Variants in OSMR observed in about 807,000 individuals in gnomAD.
OSMR encodes the protein oncostatin M receptor, also known as oncostatin-M-specific receptor subunit beta.
Under a neutral mutation model 99.9 loss-of-function variants are expected in OSMR, and 81 were observed. That is an observed-to-expected ratio of 0.81 (90% CI 0.68 to 0.97). The LOEUF is 0.97. OSMR is among the 50% of genes least tolerant of loss of function. The pLI is 0.00. For synonymous variants in OSMR, 406 were observed against 410.4 expected (o/e 0.99, Z 0.13); for missense variants, 1,099 against 1,153.4 (o/e 0.95, Z 0.68).
chr5:38,885,916 A>G, intron 6 of OSMR, 123 bp from the exon 7 acceptor site: 1 of 1,486,250 alleles, frequency 6.7e-7, no homozygotes, highest in Non-Finnish European at 8.9e-7. Flanking sequence ...TGGATGGATC[A>G]ATGCCATTAT....
At position 38,932,549 on chromosome 5, in the gene OSMR, A is replaced by T. The variant is rs1273762857; in HGVS notation, c.2367+14A>T. ...ATAAAATTCAAGGTAAATGTTGGCAAATTGTATGTATACCATATACCTATT... is the reference window on the plus strand; with the variant it reads ...ATAAAATTCAAGGTAAATGTTGGCATATTGTATGTATACCATATACCTATT... On this transcript the variant is annotated intron_variant, in intron 17 of 17. Coordinates refer to ENST00000274276, the MANE Select transcript of OSMR (RefSeq NM_003999.3). 6.2e-7 allele frequency: 1 copy of T among 1,606,746 alleles called. No individual in the cohort carries two copies.
chr5:38,904,211 T>C (rs948577217), intron 8 of OSMR, 142 bp from the exon 9 acceptor site: 6 of 1,526,726 alleles, frequency 3.9e-6, no homozygotes, highest in Admixed American at 2.1e-5. Context: ...TTGAAGATTT[T>C]TTTCCCCCCA....
chr5:38,940,345 G>C (rs1747424963), downstream of OSMR: 1 of 230,668 alleles, frequency 4.3e-6, no homozygotes, highest in South Asian at 1.8e-4. Context: ...TGTTTAAAAT[G>C]AATGTCTAAA....
Position 38,919,039 on chromosome 5 carries a change from T to C in OSMR, c.1562T>C (p.Val521Ala), listed in dbSNP as rs1486705434. 1 of 1,613,938 alleles carries C rather than the reference T, an allele frequency of 6.2e-7. No homozygotes were observed. Among genetic ancestry groups the C allele is most frequent in the Non-Finnish European group, 8.5e-7 (1 of 1,179,902 alleles). Residue 521 changes from valine to alanine, a missense_variant, in exon 11 of 18, where the codon GTC (valine) becomes GCC (alanine). Physicochemically the swap from Val to Ala is moderately conservative, Grantham distance 64. Transcript: ENST00000274276. Reference protein sequence around the residue: ...SVGASPASVIVISADPENKEV... With the variant: ...SVGASPASVIAISADPENKEV... ...GGTGCTTCTCCTGCTTCTGTAATAGTCATCTCTGCAGACCCCGAAAACAGT... is the reference window on the plus strand; with the variant it reads ...GGTGCTTCTCCTGCTTCTGTAATAGCCATCTCTGCAGACCCCGAAAACAGT...
chr5:38,920,324 G>C (rs1244581270), intron 11 of OSMR, among the ~76,000 whole-genome samples: 1 of 152,188 alleles, frequency 6.6e-6, no homozygotes, highest in Non-Finnish European at 1.5e-5. Context: ...GTTCACACTA[G>C]GGTGTAAATG....
chr5:38,910,146 T>C (rs1182462616), intron 9 of OSMR, among the ~76,000 whole-genome samples: 4 of 152,174 alleles, frequency 2.6e-5, no homozygotes, highest in African/African-American at 9.7e-5. Flanking sequence ...TACATAATGG[T>C]AAAGAGTTCA....
chr5:38,926,362 T>C (rs1232055318), intron 15 of OSMR, among the ~76,000 whole-genome samples: 11 of 152,198 alleles, frequency 7.2e-5, no homozygotes, highest in Admixed American at 5.9e-4. Flanking sequence ...CTCACACTAC[T>C]ATAAAGAACT....
At position 38,846,373 on chromosome 5, in the gene OSMR, C is replaced by T. The variant is rs192375340; in HGVS notation, c.-28C>T. On this transcript the variant is annotated 5_prime_UTR_variant, in exon 1 of 18. Transcript: ENST00000274276. ...ACGGCGCTCGGAGGGTCCTCGCCCC[C>T]GGCCTGCCTACCTGGTGGGTGAAAA... The T allele has an allele frequency of 2.6e-3, 401 of 152,446 alleles. 3 individuals carry two copies. The South Asian group carries it at 0.03, about 11-fold the overall frequency. The allele number at this position is 152,446 out of a possible 1,614,324, so 9.4% of individuals were successfully genotyped here.
Position 38,869,763 on chromosome 5 carries a change from A to G in OSMR, c.73+646A>G, listed in dbSNP as rs957925705. The stretch of plus-strand genomic sequence containing the variant: ...CCTCTAAAATATTTATTGATACTAT[A>G]TTACTTTGAACTTGTTTAGAAGTAG... On this transcript the variant is annotated intron_variant, in intron 2 of 17. Transcript: ENST00000274276. Among the ~76,000 whole-genome samples, 3 of 152,330 alleles carry G rather than the reference A, an allele frequency of 2.0e-5. No individual in the cohort carries two copies. The South Asian group carries it at 6.2e-4, about 32-fold the overall frequency.
chr5:38,863,171 AC>A (rs1741628360), intron 1 of OSMR, among the ~76,000 whole-genome samples: 1 of 76,528 alleles, frequency 1.3e-5, no homozygotes, highest in Non-Finnish European at 2.5e-5. Context: ...GGAGAGGGAG[AC>A]CGTGGGGAGA....
chr5:38,872,028 G>C (rs944802622), intron 2 of OSMR, among the ~76,000 whole-genome samples: 17 of 152,168 alleles, frequency 1.1e-4, no homozygotes, highest in African/African-American at 3.9e-4. Context: ...AAGAGAGCTG[G>C]ACAGAGACCC....
At chr5:38,857,762 G>C (rs923972707) in intron 1 of OSMR, among the ~76,000 whole-genome samples, 1 of 152,010 alleles carries the variant, frequency 6.6e-6, no homozygotes, top group Non-Finnish European at 1.5e-5. Flanking sequence ...CCGCCTCCTA[G>C]GTTCAAGCAA....
intron 5 of OSMR, among the ~76,000 whole-genome samples, chr5:38,884,607 A>C (rs1379984772): frequency 6.6e-6 from 1 of 152,172 alleles, no homozygotes; most frequent in African/African-American, 2.4e-5. Context: ...TGTGAGGATT[A>C]ATGAATGTGG....
At chr5:38,918,236 C>A (rs1001711830) in intron 10 of OSMR, among the ~76,000 whole-genome samples, 1 of 151,932 alleles carries the variant, frequency 6.6e-6, no homozygotes, top group East Asian at 1.9e-4. Context: ...TCTGTCCACA[C>A]CCCAAGCAGA....
chr5:38,901,339 GC>G (rs1205036079), intron 7 of OSMR, among the ~76,000 whole-genome samples: 1 of 152,162 alleles, frequency 6.6e-6, no homozygotes, highest in Non-Finnish European at 1.5e-5. Context: ...TGGTTAGCTA[GC>G]CATTTATACA....
intron 1 of OSMR, among the ~76,000 whole-genome samples, chr5:38,868,128 C>T (rs961915821): frequency 1.3e-5 from 2 of 152,178 alleles, no homozygotes; most frequent in African/African-American, 4.8e-5. Flanking sequence ...TGTTTCTCTG[C>T]TTGACCTTTC....
chr5:38,943,485 G>A (rs1161063316), intron 1 of OSMR, among the ~76,000 whole-genome samples: 1 of 151,978 alleles, frequency 6.6e-6, no homozygotes, highest in African/African-American at 2.4e-5. Context: ...TGATACCTAT[G>A]TGGGACCCCA....
chr5:38,861,545 G>T (rs1046201125), intron 1 of OSMR, among the ~76,000 whole-genome samples: 1 of 152,314 alleles, frequency 6.6e-6, no homozygotes, highest in African/African-American at 2.4e-5. Flanking sequence ...GCAACCATCC[G>T]ATTTCTCAAT....
chr5:38,942,392 G>A, intron 1 of OSMR: 3 of 1,536,232 alleles, frequency 2.0e-6, no homozygotes. Flanking sequence ...GGGAAAAAAT[G>A]GTGTATCATC....
Sources: allele counts gnomAD v4.1 joint callset (sites outside exome capture counted in the v4.1 genomes callset), GRCh38; gene constraint gnomAD v4.1.1; transcripts MANE v1.5; gene names NCBI Gene and HGNC (gene_info 2026-07-23, HGNC 2026-07-21).